The following CDYL2 variants were observed in gnomAD, a reference collection of about 807,000 sequenced individuals.
CDYL2 encodes chromodomain Y like 2, also known as chromodomain Y-like protein 2.
A neutral mutation model predicts 49.4 loss-of-function variants in CDYL2; 23 were observed. That is an observed-to-expected ratio of 0.47 (90% CI 0.34 to 0.66). CDYL2 has a LOEUF of 0.66. CDYL2 is among the 30% of genes least tolerant of loss of function. The probability of loss-of-function intolerance (pLI) is 0.01; values close to 1 mark genes in which losing one functional copy is unlikely to be tolerated. For synonymous variants in CDYL2, 360 were observed against 268.8 expected (o/e 1.34, Z -3.32); for missense variants, 678 against 656.4 (o/e 1.03, Z -0.36).
At chr16:80,662,832 G>C in intron 2 of CDYL2, 2 of 448,418 alleles carry the variant, frequency 4.5e-6, no homozygotes, top group Non-Finnish European at 8.9e-6. Flanking sequence ...ATCTTGACAA[G>C]GATTTTCTCA....
intron 1 of CDYL2, among the ~76,000 whole-genome samples, chr16:80,736,928 A>C (rs1022180468): frequency 2.0e-5 from 3 of 152,134 alleles, no homozygotes; most frequent in African/African-American, 4.8e-5. Context: ...ATTTCCATTT[A>C]TCCTCTGTTG....
At chr16:80,715,738 G>A (rs1904776055) in intron 1 of CDYL2, among the ~76,000 whole-genome samples, 1 of 152,070 alleles carries the variant, frequency 6.6e-6, no homozygotes, top group Non-Finnish European at 1.5e-5. Flanking sequence ...TGCACAGTTT[G>A]GTATCTACCT....
intron 2 of CDYL2, among the ~76,000 whole-genome samples, chr16:80,651,672 T>A (rs992342716): frequency 6.6e-6 from 1 of 152,206 alleles, no homozygotes; most frequent in Non-Finnish European, 1.5e-5. Context: ...CTGAATTATA[T>A]ATGTATAAAG....
At chr16:80,745,361 G>A (rs901693318) in intron 1 of CDYL2, among the ~76,000 whole-genome samples, 1 of 152,136 alleles carries the variant, frequency 6.6e-6, no homozygotes, top group Admixed American at 6.5e-5. Context: ...GGAGCCAAAA[G>A]AAACACATAA....
chr16:80,645,819 G>C (rs1453871279), intron 2 of CDYL2, among the ~76,000 whole-genome samples: 4 of 151,918 alleles, frequency 2.6e-5, no homozygotes, highest in East Asian at 1.9e-4. Context: ...AAAAGGATGA[G>C]TTCATGTCCT....
intron 4 of CDYL2, among the ~76,000 whole-genome samples, chr16:80,618,904 G>A (rs1165370826): frequency 2.6e-5 from 4 of 152,190 alleles, no homozygotes; most frequent in African/African-American, 4.8e-5. Context: ...CTTCCAGGCT[G>A]TATTAGTTTC....
chr16:80,734,849 G>C (rs921958003), intron 1 of CDYL2, among the ~76,000 whole-genome samples: 1 of 152,134 alleles, frequency 6.6e-6, no homozygotes, highest in Non-Finnish European at 1.5e-5. Context: ...AAAGCTAGAA[G>C]TCATAATGGA....
intron 5 of CDYL2, among the ~76,000 whole-genome samples, chr16:80,610,546 G>C (rs1014963989): frequency 2.4e-4 from 36 of 151,992 alleles, no homozygotes; most frequent in African/African-American, 7.7e-4. Flanking sequence ...GGAGATTCTT[G>C]GGCAGAGGTA....
chr16:80,777,525 A>G (rs542518547), intron 1 of CDYL2, among the ~76,000 whole-genome samples: 1 of 152,276 alleles, frequency 6.6e-6, no homozygotes, highest in South Asian at 2.1e-4. Flanking sequence ...CAACCTTAGG[A>G]AAGAGATGAA....
intron 2 of CDYL2, chr16:80,670,828 C>T (rs575282927): frequency 9.0e-6 from 4 of 445,618 alleles, no homozygotes; most frequent in East Asian, 7.0e-5. Flanking sequence ...ACACCACAGT[C>T]GGGTTGCACA....
chr16:80,793,062 T>C (rs910480607), intron 1 of CDYL2, among the ~76,000 whole-genome samples: 2 of 152,162 alleles, frequency 1.3e-5, no homozygotes, highest in East Asian at 3.8e-4. Context: ...TCCTTACAAG[T>C]GTGTCTCCCA....
At chr16:80,631,348 T>A (rs13333408) in intron 3 of CDYL2, among the ~76,000 whole-genome samples, 8,261 of 152,262 alleles carry the variant, frequency 0.054, 678 homozygotes, top group African/African-American at 0.18. Context: ...ACCCCAGGCA[T>A]CTTGTAGGAA....
intron 1 of CDYL2, among the ~76,000 whole-genome samples, chr16:80,744,773 T>C (rs545814762): frequency 6.6e-6 from 1 of 152,098 alleles, no homozygotes; most frequent in Admixed American, 6.5e-5. Context: ...TCTCTTCCAG[T>C]TGACAGAGGA....
intron 1 of CDYL2, among the ~76,000 whole-genome samples, chr16:80,767,738 T>C (rs1455734889): frequency 6.6e-6 from 1 of 152,182 alleles, no homozygotes; most frequent in Non-Finnish European, 1.5e-5. Context: ...AAATGCCAGC[T>C]TGTGGCAGAG....
At chr16:80,645,877 T>C (rs537850491) in intron 2 of CDYL2, among the ~76,000 whole-genome samples, 2 of 150,920 alleles carry the variant, frequency 1.3e-5, no homozygotes, top group East Asian at 4.0e-4. Flanking sequence ...CAGCAAACTA[T>C]CTCAAGGACA....
At chr16:80,637,436 A>C (rs1023548993) in intron 2 of CDYL2, among the ~76,000 whole-genome samples, 4 of 152,194 alleles carry the variant, frequency 2.6e-5, no homozygotes, top group African/African-American at 9.6e-5. Flanking sequence ...AAAGTATATA[A>C]AGTTTGGGAA....
intron 1 of CDYL2, among the ~76,000 whole-genome samples, chr16:80,702,333 T>C (rs1024027388): frequency 6.6e-6 from 1 of 152,054 alleles, no homozygotes; most frequent in African/African-American, 2.4e-5. Flanking sequence ...GTTCTGCACA[T>C]GTATCCCATT....
intron 1 of CDYL2, among the ~76,000 whole-genome samples, chr16:80,701,915 G>C (rs1408491237): frequency 6.6e-6 from 1 of 152,174 alleles, no homozygotes; most frequent in Non-Finnish European, 1.5e-5. Context: ...CACTATACTT[G>C]TGAGTGTAGC....
intron 1 of CDYL2, among the ~76,000 whole-genome samples, chr16:80,774,982 T>C (rs1440515650): frequency 6.6e-6 from 1 of 151,936 alleles, no homozygotes; most frequent in Non-Finnish European, 1.5e-5. Context: ...TGTGAATAGA[T>C]TATATCACCA....
Sources: gnomAD v4.1 joint callset for allele counts (sites outside exome capture counted in the v4.1 genomes callset) on GRCh38, gnomAD v4.1.1 for gene constraint, MANE v1.5 for transcripts, NCBI Gene and HGNC (gene_info 2026-07-23, HGNC 2026-07-21) for gene names.